SLC8A1: variants seen among roughly 807,000 people sequenced by gnomAD.
SLC8A1 encodes the protein sodium/calcium exchanger 1.
Under a neutral mutation model 68.3 loss-of-function variants are expected in SLC8A1, and 18 were observed. The observed-to-expected ratio is 0.26, with a 90% CI of 0.18 to 0.39. The LOEUF (loss-of-function observed/expected upper bound fraction) is 0.39. Ranked by LOEUF, SLC8A1 falls within the 10% of genes least tolerant of loss-of-function variation. The pLI is 1.00. For synonymous variants in SLC8A1, 475 were observed against 415.5 expected (o/e 1.14, Z -1.74); for missense variants, 985 against 1,156.7 (o/e 0.85, Z 2.15).
At chr2:40,476,016 G>A (rs1454715086) in intron 1 of SLC8A1, among the ~76,000 whole-genome samples, 4 of 152,016 alleles carry the variant, frequency 2.6e-5, no homozygotes, top group African/African-American at 9.7e-5. Flanking sequence ...TCTTTGAGAG[G>A]TATTGTTTTG....
chr2:40,464,241 A>G (rs781507433), intron 1 of SLC8A1, among the ~76,000 whole-genome samples: 1 of 152,204 alleles, frequency 6.6e-6, no homozygotes, highest in East Asian at 1.9e-4. Context: ...CCTGAACCAG[A>G]TAGGTTCAGA....
intron 2 of SLC8A1, among the ~76,000 whole-genome samples, chr2:40,288,857 A>G (rs1466729609): frequency 7.4e-6 from 1 of 134,940 alleles, no homozygotes; most frequent in African/African-American, 3.0e-5. Context: ...ATATATGTAT[A>G]TATATGATTT....
intron 2 of SLC8A1, among the ~76,000 whole-genome samples, chr2:40,299,099 C>T (rs1191241786): frequency 6.6e-6 from 1 of 152,090 alleles, no homozygotes; most frequent in Non-Finnish European, 1.5e-5. Flanking sequence ...GGGTATTTCT[C>T]ACCAAGTGAC....
chr2:40,486,031 G>A (rs1311123041), intron 1 of SLC8A1, among the ~76,000 whole-genome samples: 1 of 152,150 alleles, frequency 6.6e-6, no homozygotes, highest in Non-Finnish European at 1.5e-5. Flanking sequence ...GGACACAGTG[G>A]GAGTTAATTG....
chr2:40,438,906 G>C (rs547886292), intron 1 of SLC8A1, among the ~76,000 whole-genome samples: 10 of 152,244 alleles, frequency 6.6e-5, no homozygotes, highest in Admixed American at 2.0e-4. Flanking sequence ...CACAGGAACA[G>C]CACACAGGGC....
At chr2:40,437,261 A>G (rs1269820783) in intron 1 of SLC8A1, among the ~76,000 whole-genome samples, 1 of 152,168 alleles carries the variant, frequency 6.6e-6, no homozygotes, top group Non-Finnish European at 1.5e-5. Flanking sequence ...CTCAAGATTT[A>G]GGTACTTAAC....
At chr2:40,253,040 A>ATAT (rs777785618) in intron 2 of SLC8A1, among the ~76,000 whole-genome samples, 1 of 87,724 alleles carries the variant, frequency 1.1e-5, no homozygotes, top group Non-Finnish European at 2.5e-5. Flanking sequence ...CATATGTATC[A>ATAT]GTATATGTAT....
At chr2:40,135,344 A>G (rs1471194508) in intron 7 of SLC8A1, among the ~76,000 whole-genome samples, 1 of 152,182 alleles carries the variant, frequency 6.6e-6, no homozygotes, top group Non-Finnish European at 1.5e-5. Context: ...TGGGTGAGAG[A>G]GGACAGCTGT....
At chr2:40,355,720 C>T (rs996190060) in intron 2 of SLC8A1, among the ~76,000 whole-genome samples, 2 of 152,118 alleles carry the variant, frequency 1.3e-5, no homozygotes, top group African/African-American at 4.8e-5. Flanking sequence ...AAACACTGGT[C>T]CACTGCTCCA....
intron 2 of SLC8A1, among the ~76,000 whole-genome samples, chr2:40,341,580 T>C (rs1211878694): frequency 2.6e-5 from 4 of 152,224 alleles, no homozygotes; most frequent in Non-Finnish European, 5.9e-5. Context: ...AAAAGTTTTA[T>C]TGTTTTCAAA....
intron 2 of SLC8A1, chr2:40,250,362 A>G (rs967516511): frequency 6.6e-6 from 1 of 152,210 alleles, no homozygotes; most frequent in Non-Finnish European, 1.5e-5. Context: ...CTAACTGGAG[A>G]AAACAATCTG....
chr2:40,389,837 T>C (rs1450776867), intron 2 of SLC8A1, among the ~76,000 whole-genome samples: 1 of 147,560 alleles, frequency 6.8e-6, no homozygotes. Context: ...ATATATGATA[T>C]ATATATCATA....
At chr2:40,248,878 A>G (rs530118862) in intron 2 of SLC8A1, among the ~76,000 whole-genome samples, 50 of 152,306 alleles carry the variant, frequency 3.3e-4, no homozygotes, top group Non-Finnish European at 5.7e-4. Flanking sequence ...TTATCTATGC[A>G]TAGTGAAGTA....
At chr2:40,418,823 G>A (rs982549357) in intron 2 of SLC8A1, among the ~76,000 whole-genome samples, 2 of 152,162 alleles carry the variant, frequency 1.3e-5, no homozygotes, top group Admixed American at 6.5e-5. Flanking sequence ...GAGCCATCTG[G>A]GATGGGGACA....
intron 2 of SLC8A1, among the ~76,000 whole-genome samples, chr2:40,331,842 C>T (rs1255696241): frequency 3.9e-5 from 6 of 152,152 alleles, no homozygotes; most frequent in Non-Finnish European, 1.5e-5. Flanking sequence ...ATCCATCAGC[C>T]TTGGCCTCCC....
intron 2 of SLC8A1, among the ~76,000 whole-genome samples, chr2:40,316,823 G>A (rs1283844998): frequency 6.6e-6 from 1 of 151,940 alleles, no homozygotes; most frequent in Non-Finnish European, 1.5e-5. Context: ...ATCTCAGAGT[G>A]CCCAACATGT....
chr2:40,256,285 A>T (rs1197148924), intron 2 of SLC8A1, among the ~76,000 whole-genome samples: 1 of 152,168 alleles, frequency 6.6e-6, no homozygotes. Context: ...GGAATATAAA[A>T]TTCCTTTTTT....
chr2:40,309,541 C>G (rs542013760), intron 2 of SLC8A1, among the ~76,000 whole-genome samples: 158 of 140,820 alleles, frequency 1.1e-3, no homozygotes, highest in African/African-American at 4.1e-3. Context: ...GAGTCTCGCT[C>G]TGTTGCCCAG....
intron 1 of SLC8A1, among the ~76,000 whole-genome samples, chr2:40,482,243 T>C (rs1293410507): frequency 6.6e-6 from 1 of 152,216 alleles, no homozygotes; most frequent in African/African-American, 2.4e-5. Context: ...GAGGGAGCAC[T>C]ACTGCCTTAA....
Sources: gnomAD v4.1 joint callset for allele counts (sites outside exome capture counted in the v4.1 genomes callset) on GRCh38, gnomAD v4.1.1 for gene constraint, MANE v1.5 for transcripts, NCBI Gene and HGNC (gene_info 2026-07-23, HGNC 2026-07-21) for gene names.